Variants in DIAPH3 observed in about 807,000 individuals in gnomAD.
DIAPH3 encodes protein diaphanous homolog 3.
DIAPH3 carries 117 observed loss-of-function variants against 144.3 expected under a neutral mutation model. The observed-to-expected ratio is 0.81, with a 90% CI of 0.70 to 0.95. The LOEUF is 0.95. DIAPH3 is among the 40% of genes least tolerant of loss of function. The pLI is 0.00. For synonymous variants in DIAPH3, 519 were observed against 488.9 expected (o/e 1.06, Z -0.81); for missense variants, 1,421 against 1,412.7 (o/e 1.01, Z -0.09).
chr13:59,947,644 C>T (rs1322298597), intron 17 of DIAPH3, among the ~76,000 whole-genome samples: 3 of 151,646 alleles, frequency 2.0e-5, no homozygotes, highest in African/African-American at 7.3e-5. Flanking sequence ...GTGGGAGGAT[C>T]ATCACTTGAG....
Position 59,833,250 on chromosome 13 carries a change from C to G in DIAPH3, c.2884G>C (p.Glu962Gln), listed in dbSNP as rs905752533. 1.2e-6 allele frequency: 2 copies of G among 1,608,236 alleles called. No homozygotes were observed. Among genetic ancestry groups the G allele is most frequent in the Non-Finnish European group, 1.7e-6 (2 of 1,176,624 alleles). ...AACTTCGAAAGTGTCTCATATTGTT[C>G]TTTTGCACTGATAACAAATCTGTAT... ...KMSRFVISAKEQYETLSKLHE... is the reference protein window; with the variant it reads ...KMSRFVISAKQQYETLSKLHE... Residue 962 changes from glutamate (E) to glutamine (Q), a missense_variant, in exon 24 of 28, where the codon GAA becomes CAA. Coordinates refer to ENST00000400324, the MANE Select transcript of DIAPH3 (RefSeq NM_001042517.2).
intron 17 of DIAPH3, among the ~76,000 whole-genome samples, chr13:59,956,429 A>T (rs996187482): frequency 6.6e-6 from 1 of 152,242 alleles, no homozygotes; most frequent in Non-Finnish European, 1.5e-5. Context: ...GCAAGCCCCA[A>T]GCCTTGGCGG....
At chr13:60,076,490 T>C (rs1009518599) in intron 4 of DIAPH3, among the ~76,000 whole-genome samples, 1 of 152,188 alleles carries the variant, frequency 6.6e-6, no homozygotes, top group African/African-American at 2.4e-5. Context: ...TGGGCTTCTG[T>C]CAAAACGTTG....
At chr13:59,940,006 T>C (rs1471798662) in intron 17 of DIAPH3, among the ~76,000 whole-genome samples, 1 of 152,038 alleles carries the variant, frequency 6.6e-6, no homozygotes, top group East Asian at 1.9e-4. Context: ...TTCATCCCCT[T>C]GCCAATGTCC....
chr13:60,043,584 T>C (rs1234951857), intron 4 of DIAPH3, among the ~76,000 whole-genome samples: 1 of 152,208 alleles, frequency 6.6e-6, no homozygotes, highest in African/African-American at 2.4e-5. Flanking sequence ...AGCACTACTA[T>C]GCAATTAGCT....
At chr13:59,674,264 T>C (rs888811325) in intron 27 of DIAPH3, among the ~76,000 whole-genome samples, 2 of 152,210 alleles carry the variant, frequency 1.3e-5, no homozygotes, top group African/African-American at 4.8e-5. Context: ...TATCCACTCA[T>C]GTGATTCTTA....
chr13:59,987,491 A>G (rs1462161152), intron 12 of DIAPH3, among the ~76,000 whole-genome samples: 13 of 125,908 alleles, frequency 1.0e-4, no homozygotes, highest in African/African-American at 4.1e-4. Context: ...AAAAAAAAAG[A>G]AAAAAAAAAA....
chr13:59,873,794 A>G (rs1201305882), intron 21 of DIAPH3, among the ~76,000 whole-genome samples: 2 of 150,870 alleles, frequency 1.3e-5, no homozygotes, highest in Non-Finnish European at 3.0e-5. Context: ...AGCCTCACGA[A>G]TAGAGTAGCT....
chr13:60,090,823 A>G (rs1406025243), intron 4 of DIAPH3, among the ~76,000 whole-genome samples: 1 of 152,208 alleles, frequency 6.6e-6, no homozygotes, highest in East Asian at 1.9e-4. Flanking sequence ...GATCCTCCAC[A>G]CACTAATTAA....
intron 4 of DIAPH3, among the ~76,000 whole-genome samples, chr13:60,080,008 A>C (rs2057500916): frequency 6.6e-6 from 1 of 151,916 alleles, no homozygotes; most frequent in East Asian, 1.9e-4. Context: ...ACCGAGTCCT[A>C]GAGAAAAATA....
chr13:60,157,318 C>G (rs575026285), intron 1 of DIAPH3, among the ~76,000 whole-genome samples: 1 of 152,098 alleles, frequency 6.6e-6, no homozygotes, highest in African/African-American at 2.4e-5. Context: ...ATCCTCATGA[C>G]CAGAAGACTA....
At chr13:59,694,558 G>T (rs1300118659) in intron 27 of DIAPH3, among the ~76,000 whole-genome samples, 1 of 152,058 alleles carries the variant, frequency 6.6e-6, no homozygotes, top group Non-Finnish European at 1.5e-5. Context: ...AATTTTTATA[G>T]CTTCTAAAAC....
chr13:59,856,952 T>C (rs190403712), intron 22 of DIAPH3, among the ~76,000 whole-genome samples: 17 of 152,132 alleles, frequency 1.1e-4, no homozygotes, highest in Middle Eastern at 3.4e-3. Context: ...TACTCCTGAT[T>C]TGAAAGACCA....
intron 22 of DIAPH3, among the ~76,000 whole-genome samples, chr13:59,857,251 G>A (rs2043310689): frequency 6.6e-6 from 1 of 152,006 alleles, no homozygotes; most frequent in Admixed American, 6.6e-5. Context: ...GTTGCCACCT[G>A]GAAATTAAGT....
intron 24 of DIAPH3, among the ~76,000 whole-genome samples, chr13:59,831,331 G>A (rs1023838545): frequency 2.6e-5 from 4 of 151,746 alleles, no homozygotes; most frequent in African/African-American, 9.7e-5. Context: ...TCACTGTGAT[G>A]GTTTATTACA....
intron 7 of DIAPH3, among the ~76,000 whole-genome samples, chr13:60,015,465 T>C (rs569141010): frequency 6.6e-6 from 1 of 152,330 alleles, no homozygotes; most frequent in Admixed American, 6.5e-5. Flanking sequence ...TCTTCCTAAC[T>C]TGAACCTTTG....
chr13:60,055,031 CT>C (rs1015925725), intron 4 of DIAPH3, among the ~76,000 whole-genome samples: 10 of 151,734 alleles, frequency 6.6e-5, no homozygotes, highest in Non-Finnish European at 2.9e-5. Flanking sequence ...AGTTACTTGG[CT>C]TTTTAAAAAA....
At chr13:59,675,046 C>T (rs1406010799) in intron 27 of DIAPH3, among the ~76,000 whole-genome samples, 2 of 152,140 alleles carry the variant, frequency 1.3e-5, no homozygotes, top group Non-Finnish European at 1.5e-5. Flanking sequence ...CCTGATAAAA[C>T]TTTTACATGC....
chr13:59,971,003 C>T lies in DIAPH3; in HGVS notation c.1808G>A (p.Arg603Gln), dbSNP rs200231889. ...PPPPPPLPGM[R>Q]MPFSGPVPPP... ...AGGCACAGGACCACTGAATGGCATC[C>T]GCATTCCTGGAAGTGGAGGAGGTGG... is the stretch of plus-strand genomic sequence containing the variant. Residue 603 changes from arginine to glutamine, a missense_variant, in exon 16 of 28, where the codon CGG (arginine) becomes CAG (glutamine). Physicochemically the swap from Arg to Gln is conservative, Grantham distance 43. Transcript: ENST00000400324. 3.4e-4 allele frequency: 541 copies of T among 1,613,576 alleles called. 2 individuals are homozygous for T. Among genetic ancestry groups the T allele is most frequent in the Non-Finnish European group, 4.3e-4 (512 of 1,179,858 alleles).
Sources: allele counts gnomAD v4.1 joint callset (sites outside exome capture counted in the v4.1 genomes callset), GRCh38; gene constraint gnomAD v4.1.1; transcripts MANE v1.5; gene names NCBI Gene and HGNC (gene_info 2026-07-23, HGNC 2026-07-21).